The following CA1 variants were observed in gnomAD, a reference collection of about 807,000 sequenced individuals.
CA1 encodes the protein carbonate dehydratase I.
CA1 carries 27 observed loss-of-function variants against 28.8 expected under a neutral mutation model. The ratio of observed to expected loss-of-function variants is 0.94; its 90% CI spans 0.69 to 1.29. CA1 has a LOEUF of 1.29. Ranked by LOEUF, CA1 falls within the 50% of genes most tolerant of loss-of-function variation. The pLI, the probability that CA1 is intolerant of heterozygous loss-of-function variation, is 0.00. For synonymous variants in CA1, 121 were observed against 108.8 expected (o/e 1.11, Z -0.70); for missense variants, 335 against 310.5 (o/e 1.08, Z -0.59).
chr8:85,347,307 G>A (rs892531890), intron 1 of CA1, among the ~76,000 whole-genome samples: 2 of 152,150 alleles, frequency 1.3e-5, no homozygotes, highest in Non-Finnish European at 2.9e-5. Flanking sequence ...TTATTTTTGT[G>A]AATGGTCTTG....
At chr8:85,344,212 TA>T (rs1648427311) in intron 1 of CA1, among the ~76,000 whole-genome samples, 1 of 110,504 alleles carries the variant, frequency 9.0e-6, no homozygotes, top group Non-Finnish European at 1.7e-5. Flanking sequence ...GTATATAATA[TA>T]ATTATATTAT....
intron 1 of CA1, among the ~76,000 whole-genome samples, chr8:85,360,127 T>C (rs1281340286): frequency 6.6e-6 from 1 of 152,230 alleles, no homozygotes; most frequent in Non-Finnish European, 1.5e-5. Flanking sequence ...CCTTCTTCCA[T>C]AAATCCTTCT....
At chr8:85,353,921 T>C (rs1233382175) in intron 1 of CA1, among the ~76,000 whole-genome samples, 1 of 152,162 alleles carries the variant, frequency 6.6e-6, no homozygotes, top group Non-Finnish European at 1.5e-5. Context: ...GCTTAGATTC[T>C]AATAACTATC....
At chr8:85,335,654 A>G (rs1808621468) in intron 4 of CA1, among the ~76,000 whole-genome samples, 1 of 152,216 alleles carries the variant, frequency 6.6e-6, no homozygotes, top group Non-Finnish European at 1.5e-5. Flanking sequence ...AATATCTAGC[A>G]TGGATTATAT....
At chr8:85,331,681 C>G (rs1293375307) in intron 6 of CA1, among the ~76,000 whole-genome samples, 1 of 152,072 alleles carries the variant, frequency 6.6e-6, no homozygotes, top group Non-Finnish European at 1.5e-5. Context: ...TGGTCTTGAA[C>G]TCCTGACCTC....
At chr8:85,345,632 T>C (rs903565106) in intron 1 of CA1, among the ~76,000 whole-genome samples, 3 of 152,182 alleles carry the variant, frequency 2.0e-5, no homozygotes, top group African/African-American at 7.2e-5. Context: ...TTTAAAGATG[T>C]AGAAGAGCAG....
rs1188547418 is a variant in CA1, at chr8:85,327,636, G to A, written c.*924C>T. 1 of 152,170 alleles carries A rather than the reference G, an allele frequency of 6.6e-6. No individual in the cohort carries two copies. The highest frequency in any genetic ancestry group is 2.4e-5 in the African/African-American group (1 of 41,418). 9.4% of individuals were successfully genotyped at this position (152,170 alleles called of 1,614,324 possible). On this transcript the variant is annotated 3_prime_UTR_variant, in exon 8 of 8. Coordinates refer to ENST00000523022, the MANE Select transcript of CA1 (RefSeq NM_001128831.4). Reference sequence around the variant, plus strand: ...ATCGCACTCCACCCTGACTGGCAGAGTGAGACCTTGTCTCAAAAAACAAAC... The same window carrying A: ...ATCGCACTCCACCCTGACTGGCAGAATGAGACCTTGTCTCAAAAAACAAAC...
chr8:85,338,365 T>C lies in CA1; in HGVS notation c.122A>G (p.His41Arg). The C allele has an allele frequency of 6.2e-7, 1 of 1,613,790 alleles. No homozygotes were observed. The highest frequency in any genetic ancestry group is 8.5e-7 in the Non-Finnish European group (1 of 1,179,708). Residue 41 changes from histidine (H) to arginine (R), a missense_variant, in exon 3 of 8, where the codon CAT (histidine) becomes CGT (arginine). His to Arg is a conservative substitution (Grantham distance 29). Transcript: ENST00000523022. ...PVDIKTSETK[H>R]DTSLKPISVS... ...ACTAATAGGTTTCAGAGAGGTGTCATGTTTGGTTTCACTGGTTTTAATATC... is the reference window on the plus strand; with the variant it reads ...ACTAATAGGTTTCAGAGAGGTGTCACGTTTGGTTTCACTGGTTTTAATATC...
chr8:85,360,049 A>G (rs181781519), intron 1 of CA1, among the ~76,000 whole-genome samples: 50 of 152,366 alleles, frequency 3.3e-4, no homozygotes, highest in Admixed American at 9.8e-4. Flanking sequence ...AGCTATGGAC[A>G]TATAGAAAGA....
chr8:85,357,142 C>A (rs1809633607), intron 1 of CA1, among the ~76,000 whole-genome samples: 1 of 152,110 alleles, frequency 6.6e-6, no homozygotes, highest in African/African-American at 2.4e-5. Flanking sequence ...CGTGTCAGGT[C>A]AGGTTAGGCC....
chr8:85,369,550 G>T (rs968047083), intron 1 of CA1, among the ~76,000 whole-genome samples: 3 of 152,148 alleles, frequency 2.0e-5, no homozygotes, highest in Non-Finnish European at 4.4e-5. Flanking sequence ...CATGCATTTT[G>T]AACAATGAAA....
Position 85,341,759 on chromosome 8 carries a change from T to C in CA1, c.-24-100A>G, listed in dbSNP as rs578186886. The C allele has an allele frequency of 1.6e-5, 11 of 706,114 alleles. No homozygotes were observed. The South Asian group carries it at 1.7e-4, about 11-fold the overall frequency. 43.7% of individuals were successfully genotyped at this position (706,114 alleles called of 1,614,324 possible). A position where few individuals can be genotyped will look rare whatever the true frequency, so the allele number is the denominator to read the frequency against. On this transcript the variant is annotated intron_variant, in intron 1 of 7. Coordinates refer to ENST00000523022, the MANE Select transcript of CA1 (RefSeq NM_001128831.4). The stretch of plus-strand genomic sequence containing the variant: ...GCGTTTTTATAGAAACTTACTTGCT[T>C]TTAATAGGCCATTATTTCATCATCT...
At chr8:85,357,888 T>A (rs1809658572) in intron 1 of CA1, among the ~76,000 whole-genome samples, 2 of 152,232 alleles carry the variant, frequency 1.3e-5, no homozygotes, top group Non-Finnish European at 2.9e-5. Flanking sequence ...CATAGGAACT[T>A]GTCTCACTCT....
At chr8:85,338,680 C>A in intron 2 of CA1, among the ~76,000 whole-genome samples, 1 of 64,716 alleles carries the variant, frequency 1.5e-5, no homozygotes. Flanking sequence ...TTCTTTCTTT[C>A]TTTCCTTCTT....
At chr8:85,351,714 G>A (rs1809419337) in intron 1 of CA1, 1 of 152,178 alleles carries the variant, frequency 6.6e-6, no homozygotes, top group Non-Finnish European at 1.5e-5. Flanking sequence ...GCAGCTTTCA[G>A]TCTCCTTCCT....
At chr8:85,364,379 G>A (rs761738005) in intron 1 of CA1, among the ~76,000 whole-genome samples, 5 of 152,146 alleles carry the variant, frequency 3.3e-5, no homozygotes, top group Non-Finnish European at 7.3e-5. Context: ...CATTCAAACC[G>A]TAGTTATATT....
At position 85,357,734 on chromosome 8, in the gene CA1, A is replaced by G. The variant is rs1266352570; in HGVS notation, c.-24-16075T>C. 2.0e-5 allele frequency among the ~76,000 whole-genome samples: 3 copies of G among 152,156 alleles called. No individual in the cohort carries two copies. In the East Asian group the frequency reaches 5.8e-4, roughly 29 times the overall value. ...TATTAGGCTGGACGGGATAGCAACT[A>G]TTCTCAGCTCAGAGTCAGGGAAGTT... is the stretch of plus-strand genomic sequence containing the variant. On this transcript the variant is annotated intron_variant, in intron 1 of 7. Coordinates refer to ENST00000523022, the MANE Select transcript of CA1 (RefSeq NM_001128831.4).
At chr8:85,346,688 G>C (rs1354409657) in intron 1 of CA1, among the ~76,000 whole-genome samples, 3 of 152,116 alleles carry the variant, frequency 2.0e-5, no homozygotes, top group Non-Finnish European at 2.9e-5. Flanking sequence ...CTTGAACCCG[G>C]GAGCCAGAGG....
chr8:85,359,937 C>T (rs1389535574), intron 1 of CA1, among the ~76,000 whole-genome samples: 1 of 152,160 alleles, frequency 6.6e-6, no homozygotes, highest in East Asian at 1.9e-4. Flanking sequence ...AAATTCCTTA[C>T]CAATAAGGAG....
Sources: gnomAD v4.1 joint callset for allele counts (sites outside exome capture counted in the v4.1 genomes callset) on GRCh38, gnomAD v4.1.1 for gene constraint, MANE v1.5 for transcripts, NCBI Gene and HGNC (gene_info 2026-07-23, HGNC 2026-07-21) for gene names.